Variants in CR1 observed in about 807,000 individuals in gnomAD.
The protein encoded by CR1 is complement C3b/C4b receptor 1 (Knops blood group), also known as complement receptor type 1.
CR1 carries 116 observed loss-of-function variants against 187.3 expected under a neutral mutation model. That is an observed-to-expected ratio of 0.62 (90% CI 0.53 to 0.72). The LOEUF (loss-of-function observed/expected upper bound fraction) is 0.72, where lower values mean the gene tolerates loss of function less well. Ranked by LOEUF, CR1 falls within the 30% of genes least tolerant of loss-of-function variation. The pLI is 0.00. For synonymous variants in CR1, 576 were observed against 747.1 expected, an observed-to-expected ratio of 0.77 and a Z score of 3.73; for missense variants, 1,731 against 2,110.7, an observed-to-expected ratio of 0.82 and a Z score of 3.52.
intron 29 of CR1, among the ~76,000 whole-genome samples, chr1:207,578,767 G>C (rs929341777): frequency 1.3e-5 from 2 of 152,264 alleles, no homozygotes; most frequent in Admixed American, 1.3e-4. Flanking sequence ...GAAAGAAAGA[G>C]ACTGGCTTAC....
At chr1:207,600,774 G>C (rs1317040127) in intron 35 of CR1, 1 of 152,130 alleles carries the variant, frequency 6.6e-6, no homozygotes. Context: ...AGAAAACTGA[G>C]ACAGACAGGT....
intron 1 of CR1, among the ~76,000 whole-genome samples, chr1:207,502,904 G>C (rs1243291080): frequency 6.6e-6 from 1 of 152,122 alleles, no homozygotes; most frequent in Non-Finnish European, 1.5e-5. Context: ...GGCTGAATCC[G>C]GGGCACATTC....
At chr1:207,501,391 T>C (rs904209919) in intron 1 of CR1, among the ~76,000 whole-genome samples, 2 of 152,232 alleles carry the variant, frequency 1.3e-5, no homozygotes, top group Non-Finnish European at 2.9e-5. Context: ...TCATCAATCA[T>C]TGTATGTAAT....
intron 1 of CR1, among the ~76,000 whole-genome samples, chr1:207,502,605 G>A (rs1659305804): frequency 6.6e-6 from 1 of 152,208 alleles, no homozygotes; most frequent in Non-Finnish European, 1.5e-5. Context: ...GGGACCAAGT[G>A]GCACAAGATG....
At chr1:207,578,240 G>T (rs779867900) in intron 29 of CR1, 37 bp downstream of exon 29, 1 of 1,611,800 alleles carries the variant, frequency 6.2e-7, no homozygotes, top group East Asian at 2.2e-5. Context: ...CCCTGCCAGT[G>T]ACATGTGTTG....
At chr1:207,609,775 G>C in intron 37 of CR1, 87 bp downstream of exon 37, 1 of 1,356,370 alleles carries the variant, frequency 7.4e-7, no homozygotes, top group Non-Finnish European at 9.6e-7. Context: ...AGTGTATAAG[G>C]ACTATGAAAT....
At chr1:207,587,651 C>A in intron 34 of CR1, 86 bp downstream of exon 34, 1 of 1,333,898 alleles carries the variant, frequency 7.5e-7, no homozygotes, top group Non-Finnish European at 1.0e-6. Context: ...GTAATCCCAT[C>A]ACTTTGGGAG....
At chr1:207,615,134 C>T (rs899534074) in intron 40 of CR1, among the ~76,000 whole-genome samples, 7 of 152,096 alleles carry the variant, frequency 4.6e-5, no homozygotes, top group African/African-American at 9.7e-5. Context: ...TTTATCCCCT[C>T]GCATATCATA....
chr1:207,575,173 CAT>C (rs1436214992), intron 27 of CR1, among the ~76,000 whole-genome samples: 1 of 150,342 alleles, frequency 6.7e-6, no homozygotes, highest in Non-Finnish European at 1.5e-5. Flanking sequence ...TTATAAAAAA[CAT>C]GTCTCAAGTA....
chr1:207,610,987 C>CTA (rs1362858073), intron 37 of CR1, among the ~76,000 whole-genome samples: 1 of 151,986 alleles, frequency 6.6e-6, no homozygotes, highest in Non-Finnish European at 1.5e-5. Flanking sequence ...TTATTACTAA[C>CTA]TATAGTCACC....
chr1:207,522,688 G>T (rs1181117884), intron 4 of CR1, among the ~76,000 whole-genome samples: 2 of 152,218 alleles, frequency 1.3e-5, no homozygotes, highest in African/African-American at 4.8e-5. Flanking sequence ...AGGGTGGATG[G>T]TTGGAGCAAT....
intron 35 of CR1, chr1:207,606,499 A>C (rs1293935326): frequency 6.6e-6 from 1 of 152,256 alleles, no homozygotes; most frequent in Non-Finnish European, 1.5e-5. Context: ...TAACTGTTGC[A>C]GTTACTGCCT....
chr1:207,612,239 C>T (rs565945035), intron 39 of CR1, among the ~76,000 whole-genome samples, 198 bp downstream of exon 39: 8 of 152,196 alleles, frequency 5.3e-5, no homozygotes, highest in Non-Finnish European at 1.2e-4. Context: ...ATGGCACATA[C>T]AGCTCAATGT....
At position 207,611,735 on chromosome 1, in the gene CR1, CT is replaced by C. The variant is rs1295514167; in HGVS notation, c.6358del (p.Ser2120HisfsTer39). On this transcript the variant is annotated frameshift_variant, in exon 38 of 47. Coordinates refer to ENST00000367049, the MANE Select transcript of CR1 (RefSeq NM_000651.6). LOFTEE classifies it high-confidence loss of function. ...GEHTLSHQDN[F>X]SPGQEVFYSC... ...AGCATACCCTAAGCCATCAGGACAA[CT>C]TTTCACCTGGGCAGGAAGTGTTCTA... 1.9e-6 allele frequency: 3 copies of C among 1,613,864 alleles called. No homozygotes were observed. Among genetic ancestry groups the C allele is most frequent in the African/African-American group, 1.3e-5 (1 of 74,916 alleles).
intron 46 of CR1, among the ~76,000 whole-genome samples, chr1:207,635,642 C>T (rs1045860584): frequency 6.6e-6 from 1 of 152,126 alleles, no homozygotes; most frequent in African/African-American, 2.4e-5. Flanking sequence ...TACTAATCTT[C>T]CTCAGCGCAG....
At chr1:207,575,784 T>C (rs2102335536) in intron 28 of CR1, 104 bp downstream of exon 28, 1 of 1,560,302 alleles carries the variant, frequency 6.4e-7, no homozygotes, top group East Asian at 2.2e-5. Context: ...ATGGTATCCT[T>C]CTGATATTTG....
chr1:207,603,082 A>C (rs761277482), intron 35 of CR1, among the ~76,000 whole-genome samples: 18 of 152,270 alleles, frequency 1.2e-4, no homozygotes, highest in Non-Finnish European at 2.4e-4. Flanking sequence ...AATTTAATGT[A>C]ATCAGTTTCA....
rs533388914 is a variant in CR1, at chr1:207,609,528, A to T, written c.6135A>T (p.Glu2045Asp). The change falls in exon 37 of 47, where the codon GAA becomes GAT. Residue 2045 changes from glutamate to aspartate, a missense_variant. Physicochemically the swap from Glu to Asp is conservative, Grantham distance 45 (BLOSUM62 2). This residue lies in a region of CR1 where 1,312 missense variants were observed against 1,379.6 expected (regional missense o/e 0.95). Transcript: ENST00000367049. ...CISTNKCTAPEVENAIRVPGN... is the reference protein window; with the variant it reads ...CISTNKCTAPDVENAIRVPGN... Reference sequence around the variant, plus strand: ...CTACTAATAAATGCACAGCTCCAGAAGTTGAAAATGCAATTAGAGTACCAG... The same window carrying T: ...CTACTAATAAATGCACAGCTCCAGATGTTGAAAATGCAATTAGAGTACCAG... 181 of 1,613,960 alleles carry T rather than the reference A, an allele frequency of 1.1e-4. No individual in the cohort carries two copies. The South Asian group carries it at 1.8e-3, about 16-fold the overall frequency.
chr1:207,523,577 T>A, intron 4 of CR1, 34 bp from the exon 5 acceptor site: 1 of 1,612,860 alleles, frequency 6.2e-7, no homozygotes, highest in Non-Finnish European at 8.5e-7. Flanking sequence ...TTATTTAAAC[T>A]GACTGTTATT....
Sources: allele counts gnomAD v4.1 joint callset (sites outside exome capture counted in the v4.1 genomes callset), GRCh38; gene constraint gnomAD v4.1.1; regional missense constraint gnomAD v4.1.1; transcripts MANE v1.5; gene names NCBI Gene and HGNC (gene_info 2026-07-23, HGNC 2026-07-21).